The following CASD1 variants were observed in gnomAD, a reference collection of about 807,000 sequenced individuals.
The protein encoded by CASD1 is N-acetylneuraminate (7)9-O-acetyltransferase.
CASD1 carries 41 observed loss-of-function variants against 100.0 expected under a neutral mutation model. That is an observed-to-expected ratio of 0.41 (90% confidence interval 0.32 to 0.53). CASD1 has a LOEUF of 0.53. Among genes scored for constraint, CASD1 ranks in the 20% least tolerant of loss-of-function variants. The pLI, the probability that CASD1 is intolerant of heterozygous loss-of-function variation, is 0.25. For missense variants in CASD1, 774 were observed against 948.7 expected, an observed-to-expected ratio of 0.82 and a Z score of 2.42; for synonymous variants, 321 against 315.6, an observed-to-expected ratio of 1.02 and a Z score of -0.18.
intron 12 of CASD1, among the ~76,000 whole-genome samples, chr7:94,546,386 A>G (rs1441730592): frequency 6.6e-6 from 1 of 151,884 alleles, no homozygotes; most frequent in African/African-American, 2.4e-5. Flanking sequence ...CCTTTTTTGG[A>G]AAATAATGTT....
At chr7:94,593,049 C>T in the CASD1 span, among the ~76,000 whole-genome samples, 1 of 152,030 alleles carries the variant, frequency 6.6e-6, no homozygotes, top group African/African-American at 2.4e-5. Flanking sequence ...CTGATATTAA[C>T]TTTTATTAAA....
At chr7:94,608,534 A>T in the CASD1 span, among the ~76,000 whole-genome samples, 1 of 152,230 alleles carries the variant, frequency 6.6e-6, no homozygotes, top group Non-Finnish European at 1.5e-5. Flanking sequence ...TCTCAATCAT[A>T]TTCTCAGCAA....
the CASD1 span, among the ~76,000 whole-genome samples, chr7:94,605,450 T>C: frequency 6.6e-6 from 1 of 150,738 alleles, no homozygotes; most frequent in Non-Finnish European, 1.5e-5. Flanking sequence ...TCACCATATA[T>C]CCATAAATGT....
At chr7:94,585,415 T>C in the CASD1 span, 3 of 1,196,396 alleles carry the variant, frequency 2.5e-6, no homozygotes, top group African/African-American at 3.0e-5. Flanking sequence ...GAAAAGCTCA[T>C]GCATTATTGG....
the CASD1 span, among the ~76,000 whole-genome samples, chr7:94,570,622 G>A: frequency 6.6e-6 from 1 of 152,096 alleles, no homozygotes; most frequent in African/African-American, 2.4e-5. Context: ...AGCCTCCTGA[G>A]TAGCTGGGAC....
the CASD1 span, among the ~76,000 whole-genome samples, chr7:94,581,329 C>T: frequency 1.3e-5 from 2 of 152,326 alleles, no homozygotes; most frequent in African/African-American, 4.8e-5. Context: ...CTTCCATTCT[C>T]ATTCTTTCAA....
rs555145254 is a variant in CASD1, at chr7:94,511,332, G to T, written c.133+1115G>T. On this transcript the variant is annotated intron_variant, in intron 1 of 17. Coordinates refer to ENST00000297273, the MANE Select transcript of CASD1 (RefSeq NM_022900.5). ...AAATATCCATAAACGGGTTGTTGGA[G>T]TCTGCGCTGTATTCTCATCCCAGGA... 2.0e-4 allele frequency among the ~76,000 whole-genome samples: 31 copies of T among 152,282 alleles called. 1 individual carries two copies. The South Asian group carries it at 6.2e-3, about 31-fold the overall frequency.
At chr7:94,614,437 A>G in the CASD1 span, among the ~76,000 whole-genome samples, 2 of 152,228 alleles carry the variant, frequency 1.3e-5, no homozygotes, top group African/African-American at 2.4e-5. Flanking sequence ...TGAAATCCAA[A>G]TAACTTTTCC....
At position 94,533,267 on chromosome 7, in the gene CASD1, T is replaced by C; in HGVS notation, c.504+18T>C. ...CTGCCACAGTAAGTTATCATCTGTA[T>C]TCTTACTTAATGATTTTGTTTCACG... On this transcript the variant is annotated intron_variant, in intron 6 of 17. Transcript: ENST00000297273. 9 of 1,592,508 alleles carry C rather than the reference T, an allele frequency of 5.7e-6. No homozygotes were observed. Among genetic ancestry groups the C allele is most frequent in the Non-Finnish European group, 7.7e-6 (9 of 1,164,434 alleles).
chr7:94,515,831 A>T (rs1793953178), intron 1 of CASD1, among the ~76,000 whole-genome samples: 2 of 152,150 alleles, frequency 1.3e-5, no homozygotes, highest in Admixed American at 6.5e-5. Flanking sequence ...TTTAAAAAAT[A>T]GATGTTTTGC....
Position 94,537,806 on chromosome 7 carries a change from A to T in CASD1, c.1178A>T (p.Glu393Val), listed in dbSNP as rs1795192951. The stretch of plus-strand genomic sequence containing the variant: ...GACCGTGCAAATCTGTTCATGAAGG[A>T]AAACAAATTTTATACACATTCATCT... ...MCDRANLFMK[E>V]NKFYTHSSFF... The change falls in exon 9 of 18, where the codon GAA (glutamate) becomes GTA (valine). Residue 393 changes from glutamate (E) to valine (V), a missense_variant. This residue lies in a region of CASD1 where 453 missense variants were observed against 532.6 expected (regional missense o/e 0.85). Coordinates refer to ENST00000297273, the MANE Select transcript of CASD1 (RefSeq NM_022900.5). 4.4e-6 allele frequency: 7 copies of T among 1,607,778 alleles called. No homozygotes were observed.
Position 94,509,990 on chromosome 7 carries a change from T to G in CASD1, c.-95T>G, listed in dbSNP as rs1584363116. 5 of 1,268,028 alleles carry G rather than the reference T, an allele frequency of 3.9e-6. No individual in the cohort carries two copies. The East Asian group carries it at 1.6e-4, about 41-fold the overall frequency. The allele number at this position is 1,268,028 out of a possible 1,614,324, so 78.5% of individuals were successfully genotyped here. On this transcript the variant is annotated 5_prime_UTR_variant, in exon 1 of 18. Coordinates refer to ENST00000297273, the MANE Select transcript of CASD1 (RefSeq NM_022900.5). ...GGCGGCCTGGGGAGCTGGCGGCCGCTCCTCGCCTGGCTGCAGCGGCGGCAG... is the reference window on the plus strand; with the variant it reads ...GGCGGCCTGGGGAGCTGGCGGCCGCGCCTCGCCTGGCTGCAGCGGCGGCAG...
At chr7:94,578,396 A>G in the CASD1 span, among the ~76,000 whole-genome samples, 2 of 152,162 alleles carry the variant, frequency 1.3e-5, no homozygotes, top group African/African-American at 2.4e-5. Flanking sequence ...ATATGTTCCA[A>G]CAACACAGAG....
chr7:94,541,655 G>A (rs1027812471), intron 10 of CASD1, among the ~76,000 whole-genome samples: 1 of 146,502 alleles, frequency 6.8e-6, no homozygotes, highest in African/African-American at 2.5e-5. Context: ...AAGCAGAACT[G>A]GAAGTCAAAC....
the CASD1 span, chr7:94,624,087 G>A: frequency 1.7e-3 from 670 of 393,644 alleles, no homozygotes; most frequent in Non-Finnish European, 2.6e-3. Context: ...CCAACAACAG[G>A]ATATGGCTTC....
At chr7:94,600,765 A>G in the CASD1 span, 2 of 1,613,784 alleles carry the variant, frequency 1.2e-6, no homozygotes, top group South Asian at 1.1e-5. Flanking sequence ...TTTTCAAAGA[A>G]TCAGAAGGGG....
intron 9 of CASD1, 107 bp from the exon 10 acceptor site, chr7:94,538,860 A>C (rs576236181): frequency 4.2e-6 from 2 of 478,714 alleles, no homozygotes; most frequent in South Asian, 9.0e-5. Context: ...TTTTGACAGA[A>C]GCATTAGCTT....
intron 3 of CASD1, among the ~76,000 whole-genome samples, chr7:94,521,172 C>T (rs1393000082): frequency 6.6e-6 from 1 of 152,048 alleles, no homozygotes; most frequent in African/African-American, 2.4e-5. Flanking sequence ...GTTAAAATTT[C>T]TGTGTTCTTG....
chr7:94,574,118 A>C, the CASD1 span, among the ~76,000 whole-genome samples: 1 of 152,286 alleles, frequency 6.6e-6, no homozygotes, highest in African/African-American at 2.4e-5. Context: ...TGTGCGCTGG[A>C]TTCAGTTTGC....
Sources: allele counts gnomAD v4.1 joint callset (sites outside exome capture counted in the v4.1 genomes callset), GRCh38; gene constraint gnomAD v4.1.1; regional missense constraint gnomAD v4.1.1; transcripts MANE v1.5; gene names NCBI Gene and HGNC (gene_info 2026-07-23, HGNC 2026-07-21).